Variants in NRXN1 observed in about 807,000 individuals in gnomAD.
NRXN1 encodes neurexin-1.
NRXN1 carries 39 observed loss-of-function variants against 150.9 expected under a neutral mutation model. That is an observed-to-expected ratio of 0.26 (90% CI 0.20 to 0.34). The LOEUF (loss-of-function observed/expected upper bound fraction) is 0.34. NRXN1 is among the 10% of genes least tolerant of loss of function. The pLI, the probability that NRXN1 is intolerant of heterozygous loss-of-function variation, is 1.00. For missense variants in NRXN1, 1,815 were observed against 1,949.9 expected (o/e 0.93, Z 1.30); for synonymous variants, 924 against 757.0 (o/e 1.22, Z -3.62).
rs778340278 is a variant in NRXN1 at position 49,920,476 on chromosome 2, T to TATC, written c.*1465_*1467dup. On this transcript the variant is annotated 3_prime_UTR_variant, in exon 23 of 23. Coordinates refer to ENST00000401669, the MANE Select transcript of NRXN1 (RefSeq NM_001330078.2). The stretch of plus-strand genomic sequence containing the variant: ...AATGGTTCTTATTCATGCAGCAGTA[T>TATC]ATCAGTGATATTCTATTTGATAAGG... The TATC allele has an allele frequency of 2.0e-5, 3 of 152,616 alleles. No individual in the cohort carries two copies. Among genetic ancestry groups the TATC allele is most frequent in the African/African-American group, 7.2e-5 (3 of 41,436 alleles). 9.5% of individuals were successfully genotyped at this position (152,616 alleles called of 1,614,324 possible). A position where few individuals can be genotyped will look rare whatever the true frequency, so the allele number is the denominator to read the frequency against.
chr2:50,418,751 A>G (rs572785518), intron 17 of NRXN1, among the ~76,000 whole-genome samples: 118 of 152,180 alleles, frequency 7.8e-4, no homozygotes, highest in African/African-American at 2.7e-3. Context: ...CAGAGGAATC[A>G]GTCTCAAACA....
At chr2:50,813,293 CTT>C (rs923914401) in intron 5 of NRXN1, among the ~76,000 whole-genome samples, 2 of 152,004 alleles carry the variant, frequency 1.3e-5, no homozygotes, top group African/African-American at 4.8e-5. Flanking sequence ...TTACCATTTT[CTT>C]TTTTGTTATC....
chr2:50,859,344 T>A (rs369103562), intron 5 of NRXN1, among the ~76,000 whole-genome samples: 4 of 151,940 alleles, frequency 2.6e-5, no homozygotes, highest in African/African-American at 9.7e-5. Context: ...AAGCCAGATT[T>A]GGCAAGAGAG....
chr2:50,605,428 C>T (rs1000053495), intron 8 of NRXN1, among the ~76,000 whole-genome samples: 5 of 152,102 alleles, frequency 3.3e-5, no homozygotes, highest in Admixed American at 2.6e-4. Context: ...CCAGTAGAAA[C>T]TCAATAGCAA....
chr2:50,985,887 T>C (rs995738830), intron 2 of NRXN1, among the ~76,000 whole-genome samples: 19 of 151,864 alleles, frequency 1.3e-4, no homozygotes, highest in Non-Finnish European at 2.4e-4. Context: ...ATATATGACT[T>C]ACAAAATGTC....
chr2:50,607,505 A>G lies in NRXN1; in HGVS notation c.1320+12517T>C, dbSNP rs145124503. 4.1e-4 allele frequency among the ~76,000 whole-genome samples: 62 copies of G among 152,336 alleles called. No homozygotes were observed. The East Asian group carries it at 0.01, about 25-fold the overall frequency. On this transcript the variant is annotated intron_variant, in intron 8 of 22. Transcript: ENST00000401669. ...AGGAAGAGTTTACTTTCTTTAGGGCATAAGCCATTATATTACAAAGTCATT... is the reference window on the plus strand; with the variant it reads ...AGGAAGAGTTTACTTTCTTTAGGGCGTAAGCCATTATATTACAAAGTCATT...
intron 22 of NRXN1, among the ~76,000 whole-genome samples, chr2:49,924,990 A>G (rs1239912358): frequency 6.6e-6 from 1 of 151,926 alleles, no homozygotes; most frequent in Non-Finnish European, 1.5e-5. Flanking sequence ...TTCTTCTGAG[A>G]CTAGAAATAT....
At chr2:50,107,541 T>TATATATATATATATATA (rs113045952) in intron 18 of NRXN1, among the ~76,000 whole-genome samples, 1 of 111,800 alleles carries the variant, frequency 8.9e-6, no homozygotes, top group African/African-American at 3.3e-5. Context: ...ATATATATAT[T>TATATATATATATATATA]TTTTTTTTTT....
At chr2:50,187,678 T>C (rs1172304033) in intron 18 of NRXN1, among the ~76,000 whole-genome samples, 1 of 152,162 alleles carries the variant, frequency 6.6e-6, no homozygotes, top group East Asian at 1.9e-4. Context: ...ATACATTACC[T>C]TGGGCAGTAT....
intron 17 of NRXN1, among the ~76,000 whole-genome samples, chr2:50,353,446 G>A (rs1007978439): frequency 2.6e-5 from 4 of 152,040 alleles, no homozygotes; most frequent in Non-Finnish European, 5.9e-5. Context: ...ATAATGTAGC[G>A]TGACAACATG....
intron 5 of NRXN1, among the ~76,000 whole-genome samples, chr2:50,812,654 T>C (rs998035497): frequency 2.0e-5 from 3 of 151,400 alleles, no homozygotes; most frequent in South Asian, 4.1e-4. Flanking sequence ...TTTGGCTATA[T>C]ATAAAATATA....
At chr2:50,930,510 T>C (rs968049067) in intron 2 of NRXN1, among the ~76,000 whole-genome samples, 1 of 152,152 alleles carries the variant, frequency 6.6e-6, no homozygotes, top group Non-Finnish European at 1.5e-5. Flanking sequence ...TATTATAATA[T>C]AAATCGAATG....
intron 5 of NRXN1, among the ~76,000 whole-genome samples, chr2:50,825,357 C>T (rs1348108775): frequency 6.6e-6 from 1 of 152,072 alleles, no homozygotes; most frequent in Non-Finnish European, 1.5e-5. Context: ...AGAATGGGGG[C>T]CAGTCACCAA....
At chr2:50,864,812 G>A (rs534269854) in intron 5 of NRXN1, among the ~76,000 whole-genome samples, 1 of 152,104 alleles carries the variant, frequency 6.6e-6, no homozygotes, top group East Asian at 1.9e-4. Context: ...TGTGTCCAAA[G>A]CAGTGGTTTT....
intron 18 of NRXN1, among the ~76,000 whole-genome samples, chr2:50,188,426 G>A (rs566124119): frequency 6.6e-6 from 1 of 152,186 alleles, no homozygotes; most frequent in African/African-American, 2.4e-5. Context: ...AACCCTACAA[G>A]AAAACCTAGG....
At chr2:50,018,223 T>G (rs375835405) in intron 21 of NRXN1, among the ~76,000 whole-genome samples, 1 of 152,166 alleles carries the variant, frequency 6.6e-6, no homozygotes, top group Non-Finnish European at 1.5e-5. Flanking sequence ...ACCTCTAGCA[T>G]ATAAGGCTGG....
At chr2:50,692,797 T>C (rs980622132) in intron 5 of NRXN1, among the ~76,000 whole-genome samples, 6 of 152,190 alleles carry the variant, frequency 3.9e-5, no homozygotes, top group Non-Finnish European at 7.3e-5. Context: ...TGTCAGCTTT[T>C]TCATGTTAGT....
chr2:49,963,310 T>C (rs1287825625), intron 21 of NRXN1, among the ~76,000 whole-genome samples: 1 of 152,110 alleles, frequency 6.6e-6, no homozygotes, highest in Non-Finnish European at 1.5e-5. Flanking sequence ...GTCTTTCAAG[T>C]GACAGGAATG....
intron 8 of NRXN1, among the ~76,000 whole-genome samples, chr2:50,560,755 G>A (rs542845044): frequency 5.9e-5 from 9 of 152,186 alleles, no homozygotes; most frequent in African/African-American, 1.2e-4. Context: ...AGAGACATAC[G>A]TAAATAATTT....
Sources: gnomAD v4.1 joint callset for allele counts (sites outside exome capture counted in the v4.1 genomes callset) on GRCh38, gnomAD v4.1.1 for gene constraint, MANE v1.5 for transcripts, NCBI Gene and HGNC (gene_info 2026-07-23, HGNC 2026-07-21) for gene names.